Variants in AK9 observed in about 807,000 individuals in gnomAD.
The protein encoded by AK9 is adenylate kinase domain containing 1.
In AK9, 191 loss-of-function variants were observed where a neutral mutation model predicts 239.6. That is an observed-to-expected ratio of 0.80 (90% CI 0.71 to 0.90). AK9 has a LOEUF of 0.90. Ranked by LOEUF, AK9 falls within the 40% of genes least tolerant of loss-of-function variation. The pLI is 0.00. For synonymous variants in AK9, 689 were observed against 721.0 expected, an observed-to-expected ratio of 0.96 and a Z score of 0.71; for missense variants, 1,995 against 2,214.7, an observed-to-expected ratio of 0.90 and a Z score of 1.99.
chr6:109,673,143 G>A (rs761459700), intron 3 of AK9, among the ~76,000 whole-genome samples: 4 of 152,080 alleles, frequency 2.6e-5, no homozygotes, highest in Non-Finnish European at 5.9e-5. Context: ...TGGGATGTTT[G>A]GTATTCTTTA....
At chr6:109,662,887 A>T (rs1269951004) in intron 5 of AK9, among the ~76,000 whole-genome samples, 1 of 152,050 alleles carries the variant, frequency 6.6e-6, no homozygotes, top group Non-Finnish European at 1.5e-5. Context: ...CTAGAAGAAG[A>T]CATTTTTGAA....
intron 17 of AK9, among the ~76,000 whole-genome samples, chr6:109,599,199 T>C (rs1791541727): frequency 6.6e-6 from 1 of 152,234 alleles, no homozygotes; most frequent in African/African-American, 2.4e-5. Flanking sequence ...AGGGTTTTTA[T>C]GGTTTTAGGT....
At chr6:109,561,206 C>G (rs9374103) in intron 24 of AK9, among the ~76,000 whole-genome samples, 2 of 151,430 alleles carry the variant, frequency 1.3e-5, no homozygotes, top group African/African-American at 4.8e-5. Flanking sequence ...CCTGCCTCGG[C>G]TTCCCAAAGT....
At chr6:109,495,187 A>G in intron 39 of AK9, 151 bp downstream of exon 39, 2 of 554,700 alleles carry the variant, frequency 3.6e-6, no homozygotes, top group Admixed American at 7.0e-5. Context: ...TTTAACCACT[A>G]CATATAAACA....
intron 1 of AK9, among the ~76,000 whole-genome samples, chr6:109,688,179 G>T (rs972279643): frequency 6.6e-6 from 1 of 152,148 alleles, no homozygotes; most frequent in Admixed American, 6.5e-5. Flanking sequence ...ACCCCTTTAG[G>T]AGACAAAACA....
At chr6:109,645,674 C>T (rs1797966119) in intron 8 of AK9, among the ~76,000 whole-genome samples, 3 of 152,210 alleles carry the variant, frequency 2.0e-5, no homozygotes, top group Admixed American at 1.3e-4. Context: ...CAGACTTAAA[C>T]GTCCCTGTCT....
intron 12 of AK9, among the ~76,000 whole-genome samples, chr6:109,627,133 CTTTTTTTTTT>C (rs71018357): frequency 1.5e-5 from 1 of 67,308 alleles, no homozygotes; most frequent in Non-Finnish European, 2.7e-5. Context: ...GATGTTTAAG[CTTTTTTTTTT>C]TTTTTTTTTT....
At chr6:109,620,299 G>A (rs188511485) in intron 12 of AK9, among the ~76,000 whole-genome samples, 17 of 152,132 alleles carry the variant, frequency 1.1e-4, no homozygotes, top group African/African-American at 3.4e-4. Context: ...TAGTTTCCTC[G>A]CATCCTCACC....
intron 6 of AK9, 105 bp downstream of exon 6, chr6:109,662,446 G>GT (rs2128319343): frequency 1.0e-6 from 1 of 968,656 alleles, no homozygotes; most frequent in East Asian, 3.6e-5. Flanking sequence ...TGATGCATAA[G>GT]TTATTATCTC....
At chr6:109,603,527 A>C (rs1792380145) in intron 17 of AK9, among the ~76,000 whole-genome samples, 1 of 152,172 alleles carries the variant, frequency 6.6e-6, no homozygotes, top group Non-Finnish European at 1.5e-5. Context: ...TCAGGGACCC[A>C]CTTGAGGAGG....
Position 109,493,987 on chromosome 6 carries a change from G to A in AK9, c.5527C>T (p.Leu1843Phe). 3 of 1,592,532 alleles carry A rather than the reference G, an allele frequency of 1.9e-6. No individual in the cohort carries two copies. Among genetic ancestry groups the A allele is most frequent in the Non-Finnish European group, 2.6e-6 (3 of 1,164,652 alleles). ...ATAATTAAAAAAGACATACCTTTGA[G>A]ATGAAGTGCTATATATAGCAGTGCA... ...RSALLYIALH[L>F]KAFNPKGSEY... The change falls in exon 40 of 41, where the codon CTC (leucine) becomes TTC (phenylalanine). Residue 1843 changes from leucine (L) to phenylalanine (F), a missense_variant. Around this residue, in one of 5 missense-constraint regions of AK9, gnomAD observed 391 missense variants for 456.0 expected, o/e 0.86. Transcript: ENST00000424296.
chr6:109,550,281 T>G lies in AK9; in HGVS notation c.2773A>C (p.Arg925=). Residue 925 remains arginine (R), a synonymous_variant, in exon 25 of 41, where the codon AGA becomes CGA. Transcript: ENST00000424296. ...TTTGTGTCTCCCAAATGCCTCTTTCTCTCCTTCATTTTATCTTCACCCTAG... is the reference window on the plus strand; with the variant it reads ...TTTGTGTCTCCCAAATGCCTCTTTCGCTCCTTCATTTTATCTTCACCCTAG... ...EEEGEDKMKE[R]KRHLGDTKHF... The G allele has an allele frequency of 6.2e-7, 1 of 1,611,052 alleles. No individual in the cohort carries two copies. The highest frequency in any genetic ancestry group is 8.5e-7 in the Non-Finnish European group (1 of 1,179,966).
chr6:109,578,068 A>T (rs1788352521), intron 20 of AK9, among the ~76,000 whole-genome samples: 1 of 151,786 alleles, frequency 6.6e-6, no homozygotes, highest in Admixed American at 6.6e-5. Context: ...AGTAGCTGGG[A>T]TTACAGGCGT....
At chr6:109,614,675 AACTGAAAGC>A (rs555465825) in intron 13 of AK9, among the ~76,000 whole-genome samples, 195 bp from the exon 14 acceptor site, 66 of 152,290 alleles carry the variant, frequency 4.3e-4, no homozygotes, top group South Asian at 1.9e-3. Context: ...AGGATCTTTA[AACTGAAAGC>A]ACTGCTGTGA....
At chr6:109,644,193 A>G (rs961316037) in intron 9 of AK9, among the ~76,000 whole-genome samples, 1 of 152,292 alleles carries the variant, frequency 6.6e-6, no homozygotes, top group East Asian at 1.9e-4. Flanking sequence ...TTTTTGTAAA[A>G]CATTTTTGGG....
At chr6:109,510,203 G>A (rs182788336) in intron 32 of AK9, among the ~76,000 whole-genome samples, 2 of 152,184 alleles carry the variant, frequency 1.3e-5, no homozygotes, top group Non-Finnish European at 2.9e-5. Flanking sequence ...GGACCAATCA[G>A]CAGGCACTTC....
chr6:109,638,221 T>C (rs1236264584), intron 10 of AK9, among the ~76,000 whole-genome samples: 2 of 152,202 alleles, frequency 1.3e-5, no homozygotes, highest in South Asian at 2.1e-4. Flanking sequence ...TTATAGATAC[T>C]TTTTCTCTTT....
At chr6:109,632,266 G>A in intron 12 of AK9, 1 of 985,492 alleles carries the variant, frequency 1.0e-6, no homozygotes, top group Non-Finnish European at 1.2e-6. Context: ...TCTGTGGCCT[G>A]AATTGCTCTG....
chr6:109,570,343 G>A (rs915362565), intron 21 of AK9, among the ~76,000 whole-genome samples: 6 of 151,920 alleles, frequency 3.9e-5, no homozygotes, highest in Non-Finnish European at 5.9e-5. Flanking sequence ...ACGAGTTAAC[G>A]GGTGCAGCAC....
Sources: allele counts gnomAD v4.1 joint callset (sites outside exome capture counted in the v4.1 genomes callset), GRCh38; gene constraint gnomAD v4.1.1; regional missense constraint gnomAD v4.1.1; transcripts MANE v1.5; gene names NCBI Gene and HGNC (gene_info 2026-07-23, HGNC 2026-07-21).